Variants in MAGI1 observed in about 807,000 individuals in gnomAD.
The protein encoded by MAGI1 is membrane-associated guanylate kinase, WW and PDZ domain-containing protein 1.
MAGI1 carries 58 observed loss-of-function variants against 139.9 expected under a neutral mutation model. The observed-to-expected ratio is 0.41, with a 90% CI of 0.34 to 0.52. The LOEUF is 0.52. MAGI1 is among the 20% of genes least tolerant of loss of function. The pLI is 0.12. For synonymous variants in MAGI1, 812 were observed against 737.9 expected (o/e 1.10, Z -1.63); for missense variants, 1,874 against 1,901.6 (o/e 0.99, Z 0.27).
chr3:65,418,253 A>G (rs1050843558), intron 12 of MAGI1, among the ~76,000 whole-genome samples: 1 of 152,136 alleles, frequency 6.6e-6, no homozygotes. Flanking sequence ...CTGACGGTAA[A>G]GCTCACTTGT....
intron 2 of MAGI1, among the ~76,000 whole-genome samples, chr3:65,548,348 G>C (rs936327626): frequency 3.9e-5 from 6 of 152,008 alleles, no homozygotes; most frequent in African/African-American, 1.5e-4. Context: ...CTCGCAAGAA[G>C]GCCTAGGCAC....
chr3:65,815,867 T>C (rs1402667468), intron 1 of MAGI1, among the ~76,000 whole-genome samples: 1 of 152,088 alleles, frequency 6.6e-6, no homozygotes, highest in Non-Finnish European at 1.5e-5. Flanking sequence ...AACCAAAAGC[T>C]ACTCAGCTAG....
chr3:65,495,525 C>T lies in MAGI1; in HGVS notation c.431-1894G>A, dbSNP rs550440199. ...ATATTTACTGAGGCCCCAACACATG[C>T]CAGGCACTGGGAAAACACTGGTGAA... On this transcript the variant is annotated intron_variant, in intron 2 of 22. Coordinates refer to ENST00000402939, the MANE Select transcript of MAGI1 (RefSeq NM_001033057.2). 4.6e-5 allele frequency among the ~76,000 whole-genome samples: 7 copies of T among 152,248 alleles called. No homozygotes were observed. The East Asian group carries it at 1.4e-3, about 29-fold the overall frequency.
chr3:65,738,510 T>C (rs938502265), intron 1 of MAGI1, among the ~76,000 whole-genome samples: 8 of 152,160 alleles, frequency 5.3e-5, no homozygotes, highest in African/African-American at 1.9e-4. Context: ...GAATGGTAAA[T>C]TGTTTCCAGA....
intron 12 of MAGI1, chr3:65,401,938 T>C: frequency 1.0e-6 from 1 of 980,082 alleles, no homozygotes; most frequent in Non-Finnish European, 1.2e-6. Context: ...TAAAAAAATT[T>C]TTTTGGTCTT....
At chr3:65,598,027 G>A (rs1279714822) in intron 2 of MAGI1, 5 of 416,790 alleles carry the variant, frequency 1.2e-5, no homozygotes, top group African/African-American at 8.2e-5. Flanking sequence ...GGCAGCAGGA[G>A]CAGCTGATGG....
chr3:65,678,720 G>A (rs2087363001), intron 1 of MAGI1, among the ~76,000 whole-genome samples: 1 of 152,098 alleles, frequency 6.6e-6, no homozygotes, highest in African/African-American at 2.4e-5. Flanking sequence ...CATCAGCACT[G>A]CTCTTTTCAA....
At chr3:65,707,689 CAAAAAAAAA>C (rs57489811) in intron 1 of MAGI1, among the ~76,000 whole-genome samples, 1 of 88,148 alleles carries the variant, frequency 1.1e-5, no homozygotes, top group Admixed American at 1.4e-4. Flanking sequence ...TACCCTATCT[CAAAAAAAAA>C]AAAAAAAAAA....
chr3:65,477,711 A>ATTT lies in MAGI1; in HGVS notation c.757+878_757+880dup, dbSNP rs60679864. Among the ~76,000 whole-genome samples, 1,095 of 141,564 alleles carry ATTT rather than the reference A, an allele frequency of 7.7e-3. 4 individuals are homozygous for ATTT. The highest frequency in any genetic ancestry group is 0.02 in the African/African-American group (783 of 38,614). 92.9% of individuals were successfully genotyped at this position (141,564 alleles called of 152,430 possible). On this transcript the variant is annotated intron_variant, in intron 4 of 22. Transcript: ENST00000402939. ...ACGCAACATTATTATTATTATTATT[A>ATTT]TTTTTTTTTTTTTATTTATATTTTT... is the stretch of plus-strand genomic sequence containing the variant.
intron 1 of MAGI1, among the ~76,000 whole-genome samples, chr3:65,918,378 C>CTTT (rs2062008561): frequency 7.8e-5 from 6 of 76,466 alleles, no homozygotes; most frequent in Non-Finnish European, 6.9e-5. Context: ...TGCTCCAAAA[C>CTTT]ATTTTTTTTT....
rs980004812 is a variant in MAGI1, at chr3:65,998,301, T to A, written c.313+39695A>T. On this transcript the variant is annotated intron_variant, in intron 1 of 22. Coordinates refer to ENST00000402939, the MANE Select transcript of MAGI1 (RefSeq NM_001033057.2). ...AGAATGAGACACATACAGCACAGTT[T>A]CCCAGTCAACTTGCAGACCCCTGAG... 2.0e-4 allele frequency among the ~76,000 whole-genome samples: 30 copies of A among 152,154 alleles called. 1 individual carries two copies. Among genetic ancestry groups the A allele is most frequent in the Non-Finnish European group, 1.5e-4 (10 of 68,024 alleles).
intron 1 of MAGI1, among the ~76,000 whole-genome samples, chr3:65,770,007 C>T (rs535511248): frequency 4.6e-5 from 7 of 152,166 alleles, no homozygotes; most frequent in South Asian, 4.1e-4. Context: ...AGGAGATTTA[C>T]GTGCCATCTG....
intron 1 of MAGI1, among the ~76,000 whole-genome samples, chr3:65,759,065 CAAAAAAAAAAA>C (rs200497203): frequency 9.0e-4 from 66 of 73,084 alleles, no homozygotes; most frequent in African/African-American, 1.4e-3. Context: ...AGGCCCAGTG[CAAAAAAAAAAA>C]AAAAAAAAAA....
intron 1 of MAGI1, among the ~76,000 whole-genome samples, chr3:65,670,802 CTAGATA>C (rs1333539954): frequency 6.6e-6 from 1 of 152,118 alleles, no homozygotes; most frequent in East Asian, 1.9e-4. Context: ...ATCACTCTTA[CTAGATA>C]TAAACAGAAA....
intron 1 of MAGI1, chr3:65,907,548 C>T (rs778960801): frequency 1.3e-5 from 2 of 152,210 alleles, no homozygotes; most frequent in Non-Finnish European, 2.9e-5. Context: ...AAAACGGGCA[C>T]ATTAAAAGCA....
At chr3:65,576,245 TTAA>T (rs2081171198) in intron 2 of MAGI1, among the ~76,000 whole-genome samples, 2 of 152,208 alleles carry the variant, frequency 1.3e-5, no homozygotes, top group South Asian at 4.1e-4. Flanking sequence ...GTAACACGTA[TTAA>T]TAACCTGTTT....
chr3:65,665,530 A>G (rs942264175), intron 1 of MAGI1, among the ~76,000 whole-genome samples: 22 of 152,266 alleles, frequency 1.4e-4, no homozygotes, highest in Admixed American at 1.2e-3. Context: ...AATGAACATT[A>G]AAGTGTCATT....
chr3:66,037,868 C>T, intron 1 of MAGI1, 128 bp downstream of exon 1: 1 of 1,458,414 alleles, frequency 6.9e-7, no homozygotes, highest in Non-Finnish European at 9.2e-7. Flanking sequence ...ACCGCCACCA[C>T]AGGGCGCACG....
intron 4 of MAGI1, among the ~76,000 whole-genome samples, chr3:65,476,231 G>A (rs1950879558): frequency 6.6e-6 from 1 of 152,128 alleles, no homozygotes. Context: ...TTGTAAGTGA[G>A]GGGACAGTCA....
Sources: gnomAD v4.1 joint callset for allele counts (sites outside exome capture counted in the v4.1 genomes callset) on GRCh38, gnomAD v4.1.1 for gene constraint, MANE v1.5 for transcripts, NCBI Gene and HGNC (gene_info 2026-07-23, HGNC 2026-07-21) for gene names.